The following FAM78B variants were observed in gnomAD, a reference collection of about 807,000 sequenced individuals.
FAM78B encodes protein FAM78B.
Under a neutral mutation model 20.0 loss-of-function variants are expected in FAM78B, and 10 were observed. The ratio of observed to expected loss-of-function variants is 0.50; its 90% CI spans 0.31 to 0.85. The LOEUF (loss-of-function observed/expected upper bound fraction) is 0.85, where lower values mean the gene tolerates loss of function less well. Ranked by LOEUF, FAM78B falls within the 40% of genes least tolerant of loss-of-function variation. The probability of loss-of-function intolerance (pLI) is 0.05; values close to 1 mark genes in which losing one functional copy is unlikely to be tolerated. For synonymous variants in FAM78B, 135 were observed against 132.8 expected (o/e 1.02, Z -0.12); for missense variants, 283 against 345.0 (o/e 0.82, Z 1.42).
intron 1 of FAM78B, among the ~76,000 whole-genome samples, chr1:166,083,238 T>G (rs1652653120): frequency 6.6e-6 from 1 of 152,224 alleles, no homozygotes; most frequent in Non-Finnish European, 1.5e-5. Context: ...CTCTTTATTT[T>G]GTGAATATTC....
intron 1 of FAM78B, among the ~76,000 whole-genome samples, chr1:166,107,833 T>A (rs1653847024): frequency 6.6e-6 from 1 of 152,078 alleles, no homozygotes; most frequent in Admixed American, 6.5e-5. Flanking sequence ...GCAGGGATGG[T>A]TTAACATACA....
chr1:166,100,425 G>C (rs2101746285), intron 1 of FAM78B, among the ~76,000 whole-genome samples: 1 of 152,318 alleles, frequency 6.6e-6, no homozygotes, highest in African/African-American at 2.4e-5. Context: ...CAAGGGGTCA[G>C]GGATTTCCCT....
chr1:166,134,913 T>C (rs1177944154), intron 1 of FAM78B, among the ~76,000 whole-genome samples: 7 of 152,246 alleles, frequency 4.6e-5, no homozygotes, highest in African/African-American at 1.7e-4. Context: ...CGTAAAGTAC[T>C]GCTTCCTTTT....
At chr1:166,138,083 T>C (rs1655136991) in intron 1 of FAM78B, among the ~76,000 whole-genome samples, 1 of 152,318 alleles carries the variant, frequency 6.6e-6, no homozygotes, top group Middle Eastern at 3.4e-3. Context: ...TATGAACTTG[T>C]GTTTGGAACC....
intron 1 of FAM78B, among the ~76,000 whole-genome samples, chr1:166,072,619 C>T (rs1242457598): frequency 2.0e-5 from 3 of 152,138 alleles, no homozygotes; most frequent in South Asian, 4.1e-4. Flanking sequence ...CGGTTTCATG[C>T]CCCCAAGCAA....
chr1:166,109,888 A>ATG lies in FAM78B; in HGVS notation c.264-39127_264-39126dup, dbSNP rs1259833968. Among the ~76,000 whole-genome samples, 135 of 27,568 alleles carry ATG rather than the reference A, an allele frequency of 4.9e-3. 7 individuals are homozygous for ATG. The highest frequency in any genetic ancestry group is 0.022 in the African/African-American group (125 of 5,810). The allele number at this position is 27,568 out of a possible 152,430, so 18.1% of individuals were successfully genotyped here. A position where few individuals can be genotyped will look rare whatever the true frequency, so the allele number is the denominator to read the frequency against. On this transcript the variant is annotated intron_variant, in intron 1 of 1. Coordinates refer to ENST00000354422, the MANE Select transcript of FAM78B (RefSeq NM_001017961.5). ...TATGTGTATATATATATATGTATAT[A>ATG]TGTATATATATATATATATATATAT...
intron 1 of FAM78B, among the ~76,000 whole-genome samples, chr1:166,118,961 A>C (rs1225713527): frequency 6.6e-6 from 1 of 152,126 alleles, no homozygotes; most frequent in Non-Finnish European, 1.5e-5. Context: ...GGCAGAGGTG[A>C]AGTGACTGGC....
chr1:166,160,555 CACAGCGGAGTTAA>C (rs1656107164), intron 1 of FAM78B, among the ~76,000 whole-genome samples: 1 of 152,214 alleles, frequency 6.6e-6, no homozygotes, highest in Non-Finnish European at 1.5e-5. Context: ...AACGCAAAAG[CACAGCGGAGTTAA>C]ACTATATATT....
At chr1:166,079,783 A>G (rs1461315945) in intron 1 of FAM78B, among the ~76,000 whole-genome samples, 1 of 152,182 alleles carries the variant, frequency 6.6e-6, no homozygotes, top group Non-Finnish European at 1.5e-5. Flanking sequence ...CTGACCTATA[A>G]CTTATAAATA....
intron 1 of FAM78B, among the ~76,000 whole-genome samples, chr1:166,148,704 C>A (rs181056307): frequency 6.6e-6 from 1 of 152,222 alleles, no homozygotes; most frequent in Admixed American, 6.5e-5. Context: ...CCTGTGCTGT[C>A]ACTTTGAGCC....
At chr1:166,122,950 G>A (rs1009805220) in intron 1 of FAM78B, among the ~76,000 whole-genome samples, 14 of 152,176 alleles carry the variant, frequency 9.2e-5, no homozygotes, top group African/African-American at 2.7e-4. Flanking sequence ...AACGTGGTCC[G>A]GCTGAGAGCT....
chr1:166,132,146 A>G (rs892791812), intron 1 of FAM78B, among the ~76,000 whole-genome samples: 1 of 152,204 alleles, frequency 6.6e-6, no homozygotes, highest in Non-Finnish European at 1.5e-5. Flanking sequence ...ATCATAAAAT[A>G]AAGTAAATAT....
intron 1 of FAM78B, among the ~76,000 whole-genome samples, chr1:166,105,799 G>A (rs545335917): frequency 2.4e-4 from 37 of 151,636 alleles, no homozygotes; most frequent in South Asian, 8.4e-4. Flanking sequence ...TCAGTGTGGC[G>A]ATTCCTCAGG....
At chr1:166,150,637 TACACAAATTTCA>T (rs1207629741) in intron 1 of FAM78B, among the ~76,000 whole-genome samples, 8 of 152,206 alleles carry the variant, frequency 5.3e-5, no homozygotes, top group African/African-American at 1.7e-4. Context: ...CACACTAGCA[TACACAAATTTCA>T]ACACAAATTT....
chr1:166,075,647 C>A (rs548302057), intron 1 of FAM78B, among the ~76,000 whole-genome samples: 1 of 152,306 alleles, frequency 6.6e-6, no homozygotes, highest in African/African-American at 2.4e-5. Context: ...AATCTTGTTT[C>A]TCTTTATATC....
intron 1 of FAM78B, among the ~76,000 whole-genome samples, chr1:166,120,339 T>C (rs969917585): frequency 6.6e-6 from 1 of 152,226 alleles, no homozygotes; most frequent in African/African-American, 2.4e-5. Flanking sequence ...TGTGTGCCTG[T>C]GTGCTTTCCA....
chr1:166,131,978 G>A (rs2101779912), intron 1 of FAM78B, among the ~76,000 whole-genome samples: 1 of 152,298 alleles, frequency 6.6e-6, no homozygotes, highest in East Asian at 1.9e-4. Flanking sequence ...GTTGACTTCA[G>A]TTGAGAGAGA....
At chr1:166,136,405 G>C (rs1331963523) in intron 1 of FAM78B, among the ~76,000 whole-genome samples, 1 of 152,112 alleles carries the variant, frequency 6.6e-6, no homozygotes, top group African/African-American at 2.4e-5. Flanking sequence ...ACTTCTAGCT[G>C]TGTGCTGGCC....
intron 1 of FAM78B, among the ~76,000 whole-genome samples, chr1:166,108,845 G>A (rs762087818): frequency 2.4e-4 from 36 of 152,134 alleles, no homozygotes; most frequent in Non-Finnish European, 4.6e-4. Context: ...AGAGAACCCA[G>A]AAATAAATCC....
Sources: allele counts gnomAD v4.1 joint callset (sites outside exome capture counted in the v4.1 genomes callset), GRCh38; gene constraint gnomAD v4.1.1; transcripts MANE v1.5; gene names NCBI Gene and HGNC (gene_info 2026-07-23, HGNC 2026-07-21).